The following NIM1K variants were observed in gnomAD, a reference collection of about 807,000 sequenced individuals.
The protein encoded by NIM1K is NIM1 serine/threonine protein kinase.
Under a neutral mutation model 37.1 loss-of-function variants are expected in NIM1K, and 35 were observed. That is an observed-to-expected ratio of 0.94 (90% CI 0.72 to 1.25). The LOEUF (loss-of-function observed/expected upper bound fraction) is 1.25, where lower values mean the gene tolerates loss of function less well. Ranked by LOEUF, NIM1K falls within the 50% of genes most tolerant of loss-of-function variation. The probability of loss-of-function intolerance (pLI) is 0.00; values close to 1 mark genes in which losing one functional copy is unlikely to be tolerated. For missense variants in NIM1K, 564 were observed against 548.0 expected, an observed-to-expected ratio of 1.03 and a Z score of -0.29; for synonymous variants, 234 against 206.6, an observed-to-expected ratio of 1.13 and a Z score of -1.14.
chr5:43,265,790 A>G (rs1753138215), intron 2 of NIM1K, among the ~76,000 whole-genome samples: 1 of 152,274 alleles, frequency 6.6e-6, no homozygotes, highest in South Asian at 2.1e-4. Flanking sequence ...ATGGTGACCT[A>G]CAGATGGGAT....
chr5:43,260,504 C>G (rs1431672955), intron 2 of NIM1K, among the ~76,000 whole-genome samples: 1 of 152,096 alleles, frequency 6.6e-6, no homozygotes, highest in Non-Finnish European at 1.5e-5. Flanking sequence ...ACTTAATGCT[C>G]TTTCTGCATC....
At chr5:43,251,823 T>A (rs1298376288) in intron 2 of NIM1K, among the ~76,000 whole-genome samples, 1 of 152,212 alleles carries the variant, frequency 6.6e-6, no homozygotes, top group Non-Finnish European at 1.5e-5. Flanking sequence ...CTCCATCCCA[T>A]GTGTTTCATT....
At chr5:43,206,800 A>G in intron 1 of NIM1K, 1 of 768,478 alleles carries the variant, frequency 1.3e-6, no homozygotes, top group Non-Finnish European at 2.4e-6. Flanking sequence ...ATTTTCCAGG[A>G]TCAGGGGATG....
At chr5:43,206,985 A>G in intron 1 of NIM1K, 1 of 758,450 alleles carries the variant, frequency 1.3e-6, no homozygotes, top group Non-Finnish European at 2.5e-6. Flanking sequence ...AACAAAGCGG[A>G]ATTGAGTCAG....
At chr5:43,254,194 C>A (rs1288337281) in intron 2 of NIM1K, among the ~76,000 whole-genome samples, 1 of 152,066 alleles carries the variant, frequency 6.6e-6, no homozygotes, top group Non-Finnish European at 1.5e-5. Flanking sequence ...ACCTTGTGAT[C>A]AATGGTATGG....
At chr5:43,203,184 G>A (rs957975302) in intron 1 of NIM1K, among the ~76,000 whole-genome samples, 1 of 151,932 alleles carries the variant, frequency 6.6e-6, no homozygotes, top group Non-Finnish European at 1.5e-5. Flanking sequence ...TTCCCAAGAA[G>A]AGCAATTCTT....
At chr5:43,262,794 T>G (rs1753053908) in intron 2 of NIM1K, among the ~76,000 whole-genome samples, 1 of 152,168 alleles carries the variant, frequency 6.6e-6, no homozygotes, top group Non-Finnish European at 1.5e-5. Flanking sequence ...CAGTACCTAT[T>G]TTATTGAGAA....
At chr5:43,218,886 C>A (rs1234721024) in intron 1 of NIM1K, among the ~76,000 whole-genome samples, 1 of 152,064 alleles carries the variant, frequency 6.6e-6, no homozygotes, top group Non-Finnish European at 1.5e-5. Flanking sequence ...TATGGTTTGG[C>A]TGTGTACCCA....
At chr5:43,239,134 TCTTC>T (rs1354906030) in intron 1 of NIM1K, among the ~76,000 whole-genome samples, 1 of 152,032 alleles carries the variant, frequency 6.6e-6, no homozygotes, top group Non-Finnish European at 1.5e-5. Context: ...GTTGCAGTTT[TCTTC>T]CTTGTCTGCA....
intron 1 of NIM1K, among the ~76,000 whole-genome samples, chr5:43,199,207 AT>A (rs1561070513): frequency 0.064 from 4,317 of 67,160 alleles, 339 homozygotes; most frequent in African/African-American, 0.081. Context: ...AAAAAAAAAT[AT>A]ATATATATAT....
In NIM1K at chr5:43,232,868, T is replaced by G. The variant is rs1752562541; in HGVS notation, c.-694-12214T>G. ...ATGGTGTAGTGCCTTCAGGCATAGT[T>G]ACTGGAAGCATCTTCCTTGCCTGTG... On this transcript the variant is annotated intron_variant, in intron 1 of 3. Transcript: ENST00000326035. The G allele has an allele frequency of 2.7e-6, 3 of 1,101,514 alleles. No homozygotes were observed. The South Asian group carries it at 3.7e-5, about 14-fold the overall frequency. 68.2% of individuals were successfully genotyped at this position (1,101,514 alleles called of 1,614,324 possible). A position where few individuals can be genotyped will look rare whatever the true frequency, so the allele number is the denominator to read the frequency against.
chr5:43,240,841 C>T (rs1191142126), intron 1 of NIM1K, among the ~76,000 whole-genome samples: 6 of 151,954 alleles, frequency 3.9e-5, no homozygotes, highest in Non-Finnish European at 8.8e-5. Context: ...TCGGCCCTTT[C>T]TTACACTCCT....
chr5:43,262,541 T>C (rs981331408), intron 2 of NIM1K, among the ~76,000 whole-genome samples: 5 of 152,224 alleles, frequency 3.3e-5, no homozygotes, highest in African/African-American at 1.2e-4. Context: ...TATACAATCA[T>C]GTCATTTGCA....
chr5:43,206,417 C>T (rs1752111440), intron 1 of NIM1K, among the ~76,000 whole-genome samples: 1 of 144,646 alleles, frequency 6.9e-6, no homozygotes, highest in African/African-American at 2.6e-5. Flanking sequence ...AGAAGGATTG[C>T]TTGAGCCCAG....
intron 2 of NIM1K, among the ~76,000 whole-genome samples, chr5:43,251,501 G>C (rs939484508): frequency 1.3e-5 from 2 of 152,154 alleles, no homozygotes; most frequent in Non-Finnish European, 2.9e-5. Context: ...CTCAGAAGAG[G>C]CTGTCCCAAG....
At chr5:43,215,435 ATCTTTTTT>A (rs1208031624) in intron 1 of NIM1K, among the ~76,000 whole-genome samples, 1 of 152,084 alleles carries the variant, frequency 6.6e-6, no homozygotes, top group Non-Finnish European at 1.5e-5. Context: ...CAAAAGGCCC[ATCTTTTTT>A]TCTTTTTTCG....
chr5:43,274,505 C>A (rs1403854642), intron 2 of NIM1K, among the ~76,000 whole-genome samples: 6 of 152,150 alleles, frequency 3.9e-5, no homozygotes, highest in African/African-American at 1.4e-4. Flanking sequence ...TACACAAAAC[C>A]AGGTTTCTGT....
chr5:43,251,814 T>A (rs1392966175), intron 2 of NIM1K, among the ~76,000 whole-genome samples: 6 of 152,220 alleles, frequency 3.9e-5, no homozygotes, highest in African/African-American at 9.6e-5. Flanking sequence ...ATTGACCGCC[T>A]CCATCCCATG....
At chr5:43,262,135 C>A (rs148142993) in intron 2 of NIM1K, among the ~76,000 whole-genome samples, 8,389 of 152,140 alleles carry the variant, frequency 0.055, 496 homozygotes, top group African/African-American at 0.15. Flanking sequence ...GTTTTTTCCA[C>A]TTCTGTGAAG....
Sources: gnomAD v4.1 joint callset for allele counts (sites outside exome capture counted in the v4.1 genomes callset) on GRCh38, gnomAD v4.1.1 for gene constraint, MANE v1.5 for transcripts, NCBI Gene and HGNC (gene_info 2026-07-23, HGNC 2026-07-21) for gene names.